Variants in FRAS1 observed in about 807,000 individuals in gnomAD.
FRAS1 encodes the protein extracellular matrix organizing protein FRAS1.
Under a neutral mutation model 435.2 loss-of-function variants are expected in FRAS1, and 290 were observed. The ratio of observed to expected loss-of-function variants is 0.67; its 90% CI spans 0.61 to 0.73. The LOEUF is 0.73. Among genes scored for constraint, FRAS1 ranks in the 30% least tolerant of loss-of-function variants. The pLI, the probability that FRAS1 is intolerant of heterozygous loss-of-function variation, is 0.00. For synonymous variants in FRAS1, 1,800 were observed against 1,851.0 expected (o/e 0.97, Z 0.71); for missense variants, 4,860 against 5,001.5 (o/e 0.97, Z 0.85).
intron 47 of FRAS1, among the ~76,000 whole-genome samples, chr4:78,462,385 A>AAAAAAG (rs1433373857): frequency 1.3e-5 from 2 of 152,190 alleles, no homozygotes; most frequent in African/African-American, 2.4e-5. Flanking sequence ...AGAAAACAAA[A>AAAAAAG]AAAAAGAAAA....
intron 18 of FRAS1, among the ~76,000 whole-genome samples, chr4:78,327,475 T>C (rs1729766714): frequency 6.6e-6 from 1 of 152,198 alleles, no homozygotes; most frequent in African/African-American, 2.4e-5. Flanking sequence ...TTGTTTGAAA[T>C]ATACATGGAA....
chr4:78,068,449 G>C (rs756143420), intron 2 of FRAS1: 4 of 451,590 alleles, frequency 8.9e-6, no homozygotes, highest in African/African-American at 2.0e-5. Context: ...GAGCTCCTAT[G>C]GGCATTTGAG....
chr4:78,244,617 T>C (rs1725150169), intron 3 of FRAS1, among the ~76,000 whole-genome samples: 1 of 152,190 alleles, frequency 6.6e-6, no homozygotes, highest in African/African-American at 2.4e-5. Context: ...GGTGGTGGCC[T>C]ATTCTCTTGA....
intron 20 of FRAS1, among the ~76,000 whole-genome samples, chr4:78,340,811 T>C (rs454498): frequency 0.18 from 26,994 of 152,182 alleles, 3,272 homozygotes; most frequent in African/African-American, 0.35. Context: ...TTTGCACATG[T>C]GCCCCTGTTT....
intron 14 of FRAS1, among the ~76,000 whole-genome samples, chr4:78,306,712 A>G (rs1253450425): frequency 6.6e-6 from 1 of 150,762 alleles, no homozygotes; most frequent in African/African-American, 2.4e-5. Flanking sequence ...TTTCAGCTCC[A>G]TCAGCTCCTT....
At chr4:78,464,755 A>T (rs1343467143) in intron 49 of FRAS1, among the ~76,000 whole-genome samples, 172 bp downstream of exon 49, 2 of 152,220 alleles carry the variant, frequency 1.3e-5, no homozygotes, top group Admixed American at 1.3e-4. Flanking sequence ...AAAGAAAAAC[A>T]AATGTATTTG....
chr4:78,060,347 A>T (rs1450582423), intron 1 of FRAS1, among the ~76,000 whole-genome samples: 1 of 152,212 alleles, frequency 6.6e-6, no homozygotes, highest in Non-Finnish European at 1.5e-5. Context: ...AATAATTTTT[A>T]AAAATAGAAA....
chr4:78,107,868 GACAC>G (rs1742490207), intron 2 of FRAS1, among the ~76,000 whole-genome samples: 1 of 2,870 alleles, frequency 3.5e-4, no homozygotes, highest in Non-Finnish European at 5.5e-4. Flanking sequence ...CACGTGCAGA[GACAC>G]ACATAGGCTC....
chr4:78,177,487 T>C (rs1438829918), intron 2 of FRAS1, among the ~76,000 whole-genome samples: 2 of 152,150 alleles, frequency 1.3e-5, no homozygotes, highest in East Asian at 3.9e-4. Flanking sequence ...TGGTCTATGG[T>C]TAGCATTCTC....
At chr4:78,377,581 G>A (rs1348717492) in intron 26 of FRAS1, among the ~76,000 whole-genome samples, 1 of 152,208 alleles carries the variant, frequency 6.6e-6, no homozygotes, top group Non-Finnish European at 1.5e-5. Flanking sequence ...GATGTTTCAT[G>A]TGGACAAAGA....
intron 2 of FRAS1, among the ~76,000 whole-genome samples, chr4:78,179,786 C>T (rs1014536686): frequency 6.6e-6 from 1 of 152,060 alleles, no homozygotes; most frequent in Non-Finnish European, 1.5e-5. Context: ...TATGACTGTC[C>T]CACTGACATA....
chr4:78,481,924 G>T lies in FRAS1; in HGVS notation c.8564G>T (p.Ser2855Ile). The change falls in exon 57 of 74, where the codon AGC becomes ATC. Residue 2855 changes from serine to isoleucine, a missense_variant. By Grantham distance (142) the Ser-to-Ile change is moderately radical. Coordinates refer to ENST00000512123, the MANE Select transcript of FRAS1 (RefSeq NM_025074.7). ...SATPGVDYVP[S>I]SRKVEFGPGV... ...ACACCAGGAGTTGACTACGTTCCCA[G>T]CTCTCGGAAGGTGGAATTTGGGCCT... 6.2e-7 allele frequency: 1 copy of T among 1,613,858 alleles called. No individual in the cohort carries two copies. The highest frequency in any genetic ancestry group is 8.5e-7 in the Non-Finnish European group (1 of 1,179,832).
At chr4:78,222,851 G>A (rs1350497418) in intron 2 of FRAS1, among the ~76,000 whole-genome samples, 1 of 152,192 alleles carries the variant, frequency 6.6e-6, no homozygotes, top group Non-Finnish European at 1.5e-5. Context: ...CAGCTAATTG[G>A]ATTGGAAATG....
intron 29 of FRAS1, among the ~76,000 whole-genome samples, chr4:78,395,078 A>G (rs541031577): frequency 6.6e-6 from 1 of 152,034 alleles, no homozygotes; most frequent in East Asian, 1.9e-4. Flanking sequence ...TAGTCCTAAC[A>G]GTCTTTTGGT....
chr4:78,413,864 T>C (rs1578308604), intron 32 of FRAS1, among the ~76,000 whole-genome samples: 2 of 152,220 alleles, frequency 1.3e-5, no homozygotes, highest in South Asian at 2.1e-4. Context: ...AATTAGCAAC[T>C]CCTCCGTGAC....
chr4:78,347,216 A>G (rs1304678963), intron 20 of FRAS1, among the ~76,000 whole-genome samples: 1 of 151,512 alleles, frequency 6.6e-6, no homozygotes, highest in Non-Finnish European at 1.5e-5. Flanking sequence ...CTTCTTGACA[A>G]CCCCTCTTCC....
intron 2 of FRAS1, among the ~76,000 whole-genome samples, chr4:78,113,265 G>A (rs1209429070): frequency 6.6e-6 from 1 of 152,112 alleles, no homozygotes; most frequent in African/African-American, 2.4e-5. Flanking sequence ...CTTTGCTATT[G>A]TGAATAGTGC....
At position 78,265,112 on chromosome 4, in the gene FRAS1, A is replaced by G. The variant is rs1485090135; in HGVS notation, c.687+4A>G. ...TGCAGCTGGCCAAGTATACGAGGTA[A>G]GCTTTCATGCTCCCCATGTAGGTGT... is the stretch of plus-strand genomic sequence containing the variant. On this transcript the variant is annotated splice_donor_region_variant and intron_variant, in intron 7 of 73. Transcript: ENST00000512123. 1 of 1,605,472 alleles carries G rather than the reference A, an allele frequency of 6.2e-7. No homozygotes were observed. The highest frequency in any genetic ancestry group is 1.3e-5 in the African/African-American group (1 of 74,736).
At chr4:78,251,848 C>G (rs1176918971) in intron 4 of FRAS1, among the ~76,000 whole-genome samples, 1 of 152,142 alleles carries the variant, frequency 6.6e-6, no homozygotes, top group East Asian at 1.9e-4. Context: ...TGCTTGGGTA[C>G]ATCATTTCCT....
Sources: gnomAD v4.1 joint callset for allele counts (sites outside exome capture counted in the v4.1 genomes callset) on GRCh38, gnomAD v4.1.1 for gene constraint, MANE v1.5 for transcripts, NCBI Gene and HGNC (gene_info 2026-07-23, HGNC 2026-07-21) for gene names.